Variants in FBXO27 observed in about 807,000 individuals in gnomAD.
FBXO27 encodes F-box only protein 27.
A neutral mutation model predicts 28.3 loss-of-function variants in FBXO27; 28 were observed. The observed-to-expected ratio is 0.99, with a 90% CI of 0.73 to 1.36. The LOEUF is 1.36. Among genes scored for constraint, FBXO27 ranks in the 40% most tolerant of loss-of-function variants. FBXO27 has a pLI of 0.00. For synonymous variants in FBXO27, 175 were observed against 167.3 expected, an observed-to-expected ratio of 1.05 and a Z score of -0.36; for missense variants, 388 against 394.1, an observed-to-expected ratio of 0.98 and a Z score of 0.13.
At chr19:39,019,361 C>T (rs1206979704), downstream of FBXO27, among the ~76,000 whole-genome samples, 1 of 122,178 alleles carries the variant, frequency 8.2e-6, no homozygotes, top group Non-Finnish European at 1.6e-5. Context: ...GGAGGCGGAG[C>T]TTGTGGTGAG....
rs764253515 is a variant in FBXO27 at position 39,026,961 on chromosome 19, A to G, written c.617T>C (p.Val206Ala). The G allele has an allele frequency of 6.2e-7, 1 of 1,614,164 alleles. No homozygotes were observed. Among genetic ancestry groups the G allele is most frequent in the South Asian group, 1.1e-5 (1 of 91,078 alleles). Reference protein sequence around the residue: ...HDSGCMYRLLVQLLDANQTVL... With the variant: ...HDSGCMYRLLAQLLDANQTVL... ...AGTCTGGTTGGCGTCTAGAAGTTGG[A>G]CGAGGAGTCTGTACATACAGCCGCT... Residue 206 changes from valine to alanine, a missense_variant, in exon 5 of 6, where the codon GTC (valine) becomes GCC (alanine). Transcript: ENST00000292853.
intron 5 of FBXO27, 117 bp from the exon 6 acceptor site, chr19:39,025,671 G>C: frequency 7.8e-7 from 1 of 1,290,050 alleles, no homozygotes. Flanking sequence ...CTCCAATTGG[G>C]CCACATGTTC....
At chr19:39,026,837 C>T (rs781330389) in intron 5 of FBXO27, 33 bp downstream of exon 5, 7 of 1,612,942 alleles carry the variant, frequency 4.3e-6, no homozygotes, top group Non-Finnish European at 5.1e-6. Flanking sequence ...AGGCCCCCAG[C>T]ATCCTTTCCC....
downstream of FBXO27, among the ~76,000 whole-genome samples, chr19:39,023,659 G>A (rs1466055155): frequency 2.6e-5 from 4 of 151,764 alleles, no homozygotes; most frequent in South Asian, 6.2e-4. Flanking sequence ...TTTCGCCCAG[G>A]ATGGAGCGCA....
intron 2 of FBXO27, 40 bp from the exon 3 acceptor site, chr19:39,031,360 C>T (rs763402873): frequency 1.9e-6 from 3 of 1,601,400 alleles, no homozygotes; most frequent in African/African-American, 2.7e-5. Flanking sequence ...TTCCAGTCGC[C>T]CGCCTGTTGG....
intron 1 of FBXO27, among the ~76,000 whole-genome samples, chr19:39,017,525 C>T (rs989197024): frequency 2.0e-5 from 3 of 151,986 alleles, no homozygotes; most frequent in South Asian, 2.1e-4. Context: ...GAAACCCTGT[C>T]TCAACTAAAA....
rs1275469780 is a variant in FBXO27 at position 39,024,311 on chromosome 19, C to T, written c.*1100G>A. ...GTATGATCATGGCTCACTATAGCCTCAACCTGGGCACAAATGATCCTCCCA... is the reference window on the plus strand; with the variant it reads ...GTATGATCATGGCTCACTATAGCCTTAACCTGGGCACAAATGATCCTCCCA... On this transcript the variant is annotated 3_prime_UTR_variant, in exon 6 of 6. Coordinates refer to ENST00000292853, the MANE Select transcript of FBXO27 (RefSeq NM_178820.5). 2 of 152,010 alleles carry T rather than the reference C, an allele frequency of 1.3e-5. No individual in the cohort carries two copies. Among genetic ancestry groups the T allele is most frequent in the Non-Finnish European group, 2.9e-5 (2 of 68,126 alleles). 9.4% of individuals were successfully genotyped at this position (152,010 alleles called of 1,614,324 possible).
intron 2 of FBXO27, 56 bp from the exon 3 acceptor site, chr19:39,031,376 A>G: frequency 1.9e-6 from 3 of 1,540,336 alleles, no homozygotes; most frequent in South Asian, 1.1e-5. Context: ...GTTGGTTCCT[A>G]GTGAGACCCC....
chr19:39,019,342 G>A (rs1278474374), downstream of FBXO27, among the ~76,000 whole-genome samples: 7 of 146,376 alleles, frequency 4.8e-5, no homozygotes, highest in Non-Finnish European at 8.9e-5. Flanking sequence ...AGAGAATGGC[G>A]TGAACCCAGG....
intron 2 of FBXO27, among the ~76,000 whole-genome samples, chr19:39,007,719 T>G (rs991780090): frequency 2.6e-5 from 4 of 152,154 alleles, no homozygotes; most frequent in Non-Finnish European, 5.9e-5. Flanking sequence ...CTCAGCTCAC[T>G]GCAACCTCCG....
intron 2 of FBXO27, among the ~76,000 whole-genome samples, chr19:39,013,450 T>G (rs2072805186): frequency 6.6e-6 from 1 of 151,386 alleles, no homozygotes; most frequent in South Asian, 2.1e-4. Context: ...GCCAACATGG[T>G]GAAGCCCCGT....
At chr19:39,006,204 T>C (rs900642307) in intron 2 of FBXO27, among the ~76,000 whole-genome samples, 1 of 152,082 alleles carries the variant, frequency 6.6e-6, no homozygotes, top group Non-Finnish European at 1.5e-5. Context: ...GGCGGATCAC[T>C]TGAGGTCAGG....
At chr19:39,020,196 A>T (rs1399279616), downstream of FBXO27, among the ~76,000 whole-genome samples, 2 of 152,152 alleles carry the variant, frequency 1.3e-5, no homozygotes, top group Non-Finnish European at 2.9e-5. Context: ...ATGGTGTCAG[A>T]TTTATGATGA....
At chr19:39,008,782 G>A (rs527413571) in intron 2 of FBXO27, among the ~76,000 whole-genome samples, 51 of 152,194 alleles carry the variant, frequency 3.4e-4, no homozygotes, top group African/African-American at 1.2e-3. Context: ...TGTTTTCAAG[G>A]TTCATCCATA....
rs1290837092 is a variant in FBXO27 at position 39,032,455 on chromosome 19, A to G, written c.-27+48T>C. 2 of 555,798 alleles carry G rather than the reference A, an allele frequency of 3.6e-6. No homozygotes were observed. Among genetic ancestry groups the G allele is most frequent in the Non-Finnish European group, 2.8e-6 (1 of 351,446 alleles). The allele number at this position is 555,798 out of a possible 1,614,324, so 34.4% of individuals were successfully genotyped here. On this transcript the variant is annotated intron_variant, in intron 1 of 5. Coordinates refer to ENST00000292853, the MANE Select transcript of FBXO27 (RefSeq NM_178820.5). This position sits in a 1 kb window ranked among gnomAD's most constrained non-coding sequence, Gnocchi z 4.7. Reference sequence around the variant, plus strand: ...TGTGTGTATGCCCCGAATTGCATGCAATCAGCCCCCCTCGGCGGCCGCACC... The same window carrying G: ...TGTGTGTATGCCCCGAATTGCATGCGATCAGCCCCCCTCGGCGGCCGCACC...
In FBXO27 at chr19:39,031,334, AAG is replaced by A; in HGVS notation, c.365-16_365-15del. On this transcript the variant is annotated splice_polypyrimidine_tract_variant and intron_variant, in intron 2 of 5. Transcript: ENST00000292853. Reference sequence around the variant, plus strand: ...TTCGGAGGCCTTCTGTGAAATAAAAAAGGCTTGTGCCCAAGTTCCAGTCGCCC... The same window carrying A: ...TTCGGAGGCCTTCTGTGAAATAAAAAGCTTGTGCCCAAGTTCCAGTCGCCC... 6.2e-7 allele frequency: 1 copy of A among 1,613,404 alleles called. No homozygotes were observed. Among genetic ancestry groups the A allele is most frequent in the Non-Finnish European group, 8.5e-7 (1 of 1,179,556 alleles).
In FBXO27 at chr19:39,031,968, C is replaced by T. The variant is rs1406496126; in HGVS notation, c.260G>A (p.Arg87His). The T allele has an allele frequency of 1.1e-5, 16 of 1,521,076 alleles. No individual in the cohort carries two copies. The highest frequency in any genetic ancestry group is 1.2e-5 in the Non-Finnish European group (14 of 1,145,022). 94.2% of individuals were successfully genotyped at this position (1,521,076 alleles called of 1,614,324 possible). Residue 87 changes from arginine to histidine, a missense_variant, in exon 2 of 6, where the codon CGC becomes CAC. Physicochemically the swap from Arg to His is conservative, Grantham distance 29. Coordinates refer to ENST00000292853, the MANE Select transcript of FBXO27 (RefSeq NM_178820.5). Reference protein sequence around the residue: ...ATGRALLHLARSCQSPARNAR... With the variant: ...ATGRALLHLAHSCQSPARNAR... ...GTTACGGGCGGGAGACTGGCAGCTG[C>T]GGGCGAGGTGCAGCAGCGCGCGGCC... is the stretch of plus-strand genomic sequence containing the variant.
At position 39,026,823 on chromosome 19, in the gene FBXO27, C is replaced by T. The variant is rs111934935; in HGVS notation, c.708+47G>A. 12,563 of 1,610,746 alleles carry T rather than the reference C, an allele frequency of 7.8e-3. 72 individuals are homozygous for T. The highest frequency in any genetic ancestry group is 9.2e-3 in the Non-Finnish European group (10,838 of 1,178,490). ...AGTTTTGGGGTGATTTATTTTGCAG[C>T]AATAGGCCCCCAGCATCCTTTCCCC... On this transcript the variant is annotated intron_variant, in intron 5 of 5. Coordinates refer to ENST00000292853, the MANE Select transcript of FBXO27 (RefSeq NM_178820.5).
intron 2 of FBXO27, among the ~76,000 whole-genome samples, chr19:39,011,907 C>A (rs2072796726): frequency 6.7e-6 from 1 of 149,372 alleles, no homozygotes; most frequent in African/African-American, 2.5e-5. Flanking sequence ...CGGCTCTCTG[C>A]AAGCTCCACC....
Sources: gnomAD v4.1 joint callset for allele counts (sites outside exome capture counted in the v4.1 genomes callset) on GRCh38, gnomAD v4.1.1 for gene constraint, Gnocchi (gnomAD v3.1) non-coding constraint, MANE v1.5 for transcripts, NCBI Gene and HGNC (gene_info 2026-07-23, HGNC 2026-07-21) for gene names.